ZC4H2: variants seen among roughly 807,000 people sequenced by gnomAD.
ZC4H2 encodes zinc finger C4H2 domain-containing protein.
For missense variants in ZC4H2, 137 were observed against 173.9 expected (o/e 0.79, Z 1.19); for synonymous variants, 84 against 66.3 (o/e 1.27, Z -1.30).
At chrX:64,993,001 T>C (rs1218324856) in intron 1 of ZC4H2, among the ~76,000 whole-genome samples, 1 of 111,422 alleles carries the variant, frequency 9.0e-6, no homozygotes, top group African/African-American at 3.3e-5. Context: ...ACCCTGGTCC[T>C]GGGCCCCTTA....
At chrX:64,939,396 T>C (rs751765323) in intron 1 of ZC4H2, among the ~76,000 whole-genome samples, 16 of 111,949 alleles carry the variant, frequency 1.4e-4, no homozygotes, top group African/African-American at 5.2e-4. Context: ...GCTATCCCCA[T>C]CAAGATACCA....
At chrX:65,014,050 T>C (rs1371119080) in intron 1 of ZC4H2, among the ~76,000 whole-genome samples, 2 of 110,901 alleles carry the variant, frequency 1.8e-5, no homozygotes, top group Admixed American at 1.9e-4. Flanking sequence ...AAATATTTCA[T>C]AGGTGAATGA....
chrX:64,989,394 T>G (rs1932263743), intron 1 of ZC4H2, among the ~76,000 whole-genome samples: 1 of 111,846 alleles, frequency 8.9e-6, no homozygotes, highest in Non-Finnish European at 1.9e-5. Context: ...TTTTATTTCA[T>G]TGAGCAGTGG....
chrX:64,965,478 G>A, intron 1 of ZC4H2: 1 of 321,744 alleles, frequency 3.1e-6, no homozygotes, highest in Non-Finnish European at 6.0e-6. Context: ...AAAATTAAGT[G>A]AAAATGGATC....
chrX:64,954,384 T>TATATATATATATATA (rs1569215186), intron 1 of ZC4H2, among the ~76,000 whole-genome samples: 1 of 71,456 alleles, frequency 1.4e-5, no homozygotes, highest in African/African-American at 1.3e-4. Context: ...TTATATATAT[T>TATATATATATATATA]TATAATTATA....
At chrX:64,987,874 TCCCTCCC>T (rs1406751451) in intron 1 of ZC4H2, among the ~76,000 whole-genome samples, 2 of 74,796 alleles carry the variant, frequency 2.7e-5, no homozygotes, top group Admixed American at 1.5e-4. Flanking sequence ...CCTAATGCTA[TCCCTCCC>T]CCCTCCCCCC....
chrX:64,976,275 C>T (rs776330738), intron 1 of ZC4H2, 50 bp downstream of exon 1: 18 of 1,178,745 alleles, frequency 1.5e-5, no homozygotes, highest in Non-Finnish European at 2.0e-5. Context: ...AGCCCTCTCC[C>T]GCAACGAAGG....
chrX:64,963,830 CA>C (rs781004162), intron 1 of ZC4H2, among the ~76,000 whole-genome samples: 10 of 111,031 alleles, frequency 9.0e-5, no homozygotes, highest in Admixed American at 3.8e-4. Flanking sequence ...AATGAATTAA[CA>C]ATGTAGTATA....
intron 1 of ZC4H2, among the ~76,000 whole-genome samples, chrX:65,011,236 C>T (rs999925972): frequency 2.7e-5 from 3 of 111,485 alleles, no homozygotes; most frequent in African/African-American, 9.8e-5. Context: ...TTGAGGAAGC[C>T]GAGGCTCAAA....
At chrX:64,954,384 T>A (rs6524949) in intron 1 of ZC4H2, among the ~76,000 whole-genome samples, 6,379 of 71,091 alleles carry the variant, frequency 0.09, 1,416 homozygotes, top group African/African-American at 0.56. Flanking sequence ...TTATATATAT[T>A]TATAATTATA....
intron 1 of ZC4H2, among the ~76,000 whole-genome samples, chrX:64,965,949 C>CAAAA (rs148777993): frequency 5.1e-4 from 19 of 37,546 alleles, no homozygotes; most frequent in South Asian, 3.7e-3. Flanking sequence ...AACAAAGAAG[C>CAAAA]AAAAAAAAAA....
chrX:64,969,789 T>C (rs1931716195), intron 1 of ZC4H2, among the ~76,000 whole-genome samples: 1 of 111,093 alleles, frequency 9.0e-6, no homozygotes, highest in Non-Finnish European at 1.9e-5. Flanking sequence ...ATGGAGAGGG[T>C]CACATAAAAA....
chrX:65,010,211 C>T (rs1006334190), intron 1 of ZC4H2, among the ~76,000 whole-genome samples: 1 of 112,148 alleles, frequency 8.9e-6, no homozygotes, highest in Admixed American at 9.4e-5. Flanking sequence ...TTGGTCTCCA[C>T]AATGGAATTG....
chrX:64,951,221 C>G (rs889292558), intron 1 of ZC4H2, among the ~76,000 whole-genome samples: 2 of 112,336 alleles, frequency 1.8e-5, no homozygotes, highest in Admixed American at 1.9e-4. Flanking sequence ...GGACATTTGG[C>G]TTGGTTCCAA....
chrX:64,924,928 C>T (rs1302296550), intron 1 of ZC4H2, among the ~76,000 whole-genome samples: 3 of 110,967 alleles, frequency 2.7e-5, no homozygotes, highest in South Asian at 3.8e-4. Context: ...TTTTAAGCAC[C>T]GGAAGAGTGA....
chrX:64,938,674 A>G (rs1424300076), intron 1 of ZC4H2, among the ~76,000 whole-genome samples: 4 of 112,045 alleles, frequency 3.6e-5, no homozygotes, highest in African/African-American at 1.3e-4. Context: ...AACATAACCA[A>G]TGACAAAAAA....
intron 1 of ZC4H2, among the ~76,000 whole-genome samples, chrX:64,999,254 G>C (rs934499466): frequency 9.0e-6 from 1 of 110,692 alleles, no homozygotes; most frequent in African/African-American, 3.3e-5. Flanking sequence ...CATCTCACTG[G>C]GACAGGTTAG....
chrX:65,023,127 G>T (rs1281050363), intron 1 of ZC4H2, among the ~76,000 whole-genome samples: 1 of 111,649 alleles, frequency 9.0e-6, no homozygotes, highest in African/African-American at 3.3e-5. Flanking sequence ...GCTTAGGACT[G>T]TCTTGGCTAT....
At position 65,018,189 on chromosome X, in the gene ZC4H2, C is replaced by T. The variant is rs771597078; in HGVS notation, c.-272+16440G>A. 1.2e-4 allele frequency among the ~76,000 whole-genome samples: 13 copies of T among 112,530 alleles called. No homozygotes were observed. The South Asian group carries it at 3.3e-3, about 29-fold the overall frequency. On this transcript the variant is annotated intron_variant, in intron 1 of 4. Coordinates refer to the ZC4H2 transcript ENST00000337990. ...ACATGAACAGACACTTCTCAAAAGA[C>T]GACATACAAGCTGCCAACAAACATG...
Sources: allele counts gnomAD v4.1 joint callset (sites outside exome capture counted in the v4.1 genomes callset), GRCh38; gene constraint gnomAD v4.1.1; transcripts MANE v1.5; gene names NCBI Gene and HGNC (gene_info 2026-07-23, HGNC 2026-07-21).